Variants in DSCAM observed in about 807,000 individuals in gnomAD.
DSCAM encodes cell adhesion molecule DSCAM.
Under a neutral mutation model 217.7 loss-of-function variants are expected in DSCAM, and 47 were observed. That is an observed-to-expected ratio of 0.22 (90% CI 0.17 to 0.28). The LOEUF (loss-of-function observed/expected upper bound fraction) is 0.28. Among genes scored for constraint, DSCAM ranks in the 10% least tolerant of loss-of-function variants. The pLI is 1.00. For missense variants in DSCAM, 2,080 were observed against 2,618.3 expected, an observed-to-expected ratio of 0.79 and a Z score of 4.49; for synonymous variants, 1,056 against 1,015.3, an observed-to-expected ratio of 1.04 and a Z score of -0.76.
At chr21:40,204,428 G>A (rs902302728) in intron 11 of DSCAM, among the ~76,000 whole-genome samples, 1 of 152,170 alleles carries the variant, frequency 6.6e-6, no homozygotes. Flanking sequence ...TGAAAGCCAA[G>A]ATGATGCATT....
chr21:40,305,314 C>T (rs375122536), intron 9 of DSCAM, among the ~76,000 whole-genome samples: 49 of 146,056 alleles, frequency 3.4e-4, no homozygotes, highest in South Asian at 6.4e-4. Context: ...GGTGTGAACC[C>T]GGAAGGTAGA....
At chr21:40,809,714 CT>C (rs2091820699) in intron 1 of DSCAM, among the ~76,000 whole-genome samples, 1 of 152,148 alleles carries the variant, frequency 6.6e-6, no homozygotes, top group African/African-American at 2.4e-5. Flanking sequence ...AGCAAGTCCC[CT>C]GCCTATGGTG....
intron 3 of DSCAM, among the ~76,000 whole-genome samples, chr21:40,557,019 G>C (rs2076677980): frequency 6.6e-6 from 1 of 152,036 alleles, no homozygotes; most frequent in Non-Finnish European, 1.5e-5. Context: ...GGCAGGAGAG[G>C]CAGGCACACC....
intron 3 of DSCAM, among the ~76,000 whole-genome samples, chr21:40,549,463 A>G (rs2076612438): frequency 6.6e-6 from 1 of 152,208 alleles, no homozygotes; most frequent in Non-Finnish European, 1.5e-5. Flanking sequence ...AACAGCTGAG[A>G]ACGGTAAGCA....
chr21:40,618,728 G>C (rs1195598899), intron 3 of DSCAM: 1 of 151,790 alleles, frequency 6.6e-6, no homozygotes, highest in Non-Finnish European at 1.5e-5. Context: ...CTAGCGCAGA[G>C]ACAATGATCA....
At chr21:40,420,466 G>A (rs957772695) in intron 3 of DSCAM, among the ~76,000 whole-genome samples, 11 of 152,172 alleles carry the variant, frequency 7.2e-5, no homozygotes, top group Non-Finnish European at 1.0e-4. Flanking sequence ...GAGGAAAACT[G>A]AGGGAATCAA....
intron 3 of DSCAM, among the ~76,000 whole-genome samples, chr21:40,380,347 G>T (rs1465862659): frequency 6.6e-6 from 1 of 152,104 alleles, no homozygotes; most frequent in Non-Finnish European, 1.5e-5. Flanking sequence ...ATCACTTCAA[G>T]AATTTTTTAT....
rs138355385 is a variant in DSCAM at position 40,066,116 on chromosome 21, C to T, written c.4889-3217G>A. On this transcript the variant is annotated intron_variant, in intron 27 of 32. Transcript: ENST00000400454. ...GCAGGGGTGAAGCTTCGGTTCCCTC[C>T]GCTTCCCTGGACCTCTGCCTTATAT... Among the ~76,000 whole-genome samples the T allele has an allele frequency of 5.9e-3, 893 of 152,338 alleles. 3 individuals carry two copies. The highest frequency in any genetic ancestry group is 9.8e-3 in the Non-Finnish European group (667 of 68,028).
At chr21:40,605,791 C>CTTTTTTTTTTTTTTTTTTTTTTTT (rs755767800) in intron 3 of DSCAM, among the ~76,000 whole-genome samples, 2 of 62,006 alleles carry the variant, frequency 3.2e-5, no homozygotes, top group East Asian at 5.5e-4. Flanking sequence ...AATGCACATT[C>CTTTTTTTTTTTTTTTTTTTTTTTT]TTTTTTTTTT....
chr21:40,702,071 C>T (rs1016731480), intron 2 of DSCAM, among the ~76,000 whole-genome samples: 2 of 152,096 alleles, frequency 1.3e-5, no homozygotes, highest in Admixed American at 6.5e-5. Context: ...ATTCTCATTG[C>T]AGTTCTATCC....
chr21:40,594,149 CT>C (rs1201722379), intron 3 of DSCAM, among the ~76,000 whole-genome samples: 2 of 152,076 alleles, frequency 1.3e-5, no homozygotes, highest in Non-Finnish European at 2.9e-5. Context: ...GAAGATGCCC[CT>C]ACCTCAAAAC....
intron 10 of DSCAM, among the ~76,000 whole-genome samples, chr21:40,293,086 A>G (rs1414365409): frequency 6.6e-6 from 1 of 152,194 alleles, no homozygotes; most frequent in Non-Finnish European, 1.5e-5. Flanking sequence ...AAAATATGAC[A>G]TTCAACAATA....
intron 3 of DSCAM, among the ~76,000 whole-genome samples, chr21:40,480,893 T>G (rs1347948602): frequency 6.6e-6 from 1 of 152,206 alleles, no homozygotes; most frequent in Non-Finnish European, 1.5e-5. Context: ...GAAAACATTT[T>G]AGTCAACCTA....
chr21:40,643,749 ACACAGAGATACCAGGGATGTGTG>A (rs955942368), intron 3 of DSCAM, among the ~76,000 whole-genome samples: 2 of 152,240 alleles, frequency 1.3e-5, no homozygotes, highest in Admixed American at 1.3e-4. Context: ...GGTTGGCCAC[ACACAGAGATACCAGGGATGTGTG>A]CACAGAGGAA....
intron 3 of DSCAM, among the ~76,000 whole-genome samples, chr21:40,672,237 C>T (rs1056242583): frequency 1.8e-4 from 28 of 151,962 alleles, no homozygotes; most frequent in African/African-American, 6.5e-4. Flanking sequence ...TAGAGAGGGA[C>T]ATAACATCAG....
At chr21:40,841,148 A>T (rs1263567465) in intron 1 of DSCAM, among the ~76,000 whole-genome samples, 1 of 152,182 alleles carries the variant, frequency 6.6e-6, no homozygotes, top group Admixed American at 6.5e-5. Context: ...TATGGAGGGA[A>T]CTGATTTTCA....
chr21:40,620,034 G>GAAAAA (rs2089463155), intron 3 of DSCAM, among the ~76,000 whole-genome samples: 1 of 108,130 alleles, frequency 9.2e-6, no homozygotes, highest in Non-Finnish European at 1.9e-5. Context: ...GAAAGAGAGA[G>GAAAAA]AGAAAGAGAG....
At chr21:40,511,284 T>C (rs936291884) in intron 3 of DSCAM, among the ~76,000 whole-genome samples, 1 of 152,070 alleles carries the variant, frequency 6.6e-6, no homozygotes, top group African/African-American at 2.4e-5. Context: ...GCCCTCAAGT[T>C]AACAGGGCTG....
At chr21:40,163,763 G>A (rs537232976) in intron 16 of DSCAM, among the ~76,000 whole-genome samples, 12 of 152,026 alleles carry the variant, frequency 7.9e-5, no homozygotes, top group Non-Finnish European at 1.3e-4. Flanking sequence ...GTGGTTGGTC[G>A]CCTGGTGTAC....
Sources: allele counts gnomAD v4.1 joint callset (sites outside exome capture counted in the v4.1 genomes callset), GRCh38; gene constraint gnomAD v4.1.1; transcripts MANE v1.5; gene names NCBI Gene and HGNC (gene_info 2026-07-23, HGNC 2026-07-21).